Variants in ANKS1A observed in about 807,000 individuals in gnomAD.
The protein encoded by ANKS1A is ankyrin repeat and sterile alpha motif domain containing 1A.
In ANKS1A, 55 loss-of-function variants were observed where a neutral mutation model predicts 120.3. That is an observed-to-expected ratio of 0.46 (90% CI 0.37 to 0.57). ANKS1A has a LOEUF of 0.57. ANKS1A is among the 20% of genes least tolerant of loss of function. ANKS1A has a pLI of 0.00. For synonymous variants in ANKS1A, 590 were observed against 604.7 expected (o/e 0.98, Z 0.36); for missense variants, 1,123 against 1,480.3 (o/e 0.76, Z 3.96).
intron 10 of ANKS1A, among the ~76,000 whole-genome samples, chr6:35,008,165 A>G (rs1002955745): frequency 1.1e-4 from 17 of 152,206 alleles, no homozygotes; most frequent in South Asian, 1.0e-3. Flanking sequence ...AAACATATCA[A>G]TGAGACAGTT....
Position 35,037,311 on chromosome 6 carries a change from A to G in ANKS1A, c.2011-16788A>G, listed in dbSNP as rs370185932. 1.1e-4 allele frequency among the ~76,000 whole-genome samples: 16 copies of G among 152,326 alleles called. No individual in the cohort carries two copies. The South Asian group carries it at 3.1e-3, about 30-fold the overall frequency. ...ACAGATGTACATTCTTCAGACACTC[A>G]CAGAGATACACTCACTTACATTTGA... On this transcript the variant is annotated intron_variant, in intron 11 of 23. Coordinates refer to ENST00000360359, the MANE Select transcript of ANKS1A (RefSeq NM_015245.3).
chr6:35,046,618 T>C (rs1775731962), intron 11 of ANKS1A, among the ~76,000 whole-genome samples: 1 of 152,210 alleles, frequency 6.6e-6, no homozygotes, highest in Non-Finnish European at 1.5e-5. Context: ...CATCTATCCA[T>C]CTGTCTACCC....
At position 35,007,900 on chromosome 6, in the gene ANKS1A, C is replaced by T. The variant is rs114393256; in HGVS notation, c.1424-9573C>T. Among the ~76,000 whole-genome samples the T allele has an allele frequency of 2.0e-3, 308 of 152,340 alleles. 1 individual carries two copies. Among genetic ancestry groups the T allele is most frequent in the African/African-American group, 7.0e-3 (292 of 41,574 alleles). ...CGGTTTTTAGCTTCTACCTCTACTC[C>T]TACATCAGAGTACCAATTCCTTAGC... is the stretch of plus-strand genomic sequence containing the variant. On this transcript the variant is annotated intron_variant, in intron 10 of 23. Transcript: ENST00000360359.
rs116558661 is a variant in ANKS1A at position 35,080,038 on chromosome 6, G to C, written c.2544+110G>C. The C allele has an allele frequency of 5.1e-3, 6,370 of 1,250,622 alleles. 29 individuals are homozygous for C. The highest frequency in any genetic ancestry group is 0.018 in the Middle Eastern group (83 of 4,642). 77.5% of individuals were successfully genotyped at this position (1,250,622 alleles called of 1,614,324 possible). A position where few individuals can be genotyped will look rare whatever the true frequency, so the allele number is the denominator to read the frequency against. On this transcript the variant is annotated intron_variant, in intron 16 of 23. Transcript: ENST00000360359. ...GACCACTGTAGTGTAGGAGAAAGCA[G>C]CTCCAACAAGAAGAGAGGAGTACAG... is the stretch of plus-strand genomic sequence containing the variant.
In ANKS1A at chr6:35,086,128, G is replaced by A. The variant is rs930266684; in HGVS notation, c.3303+192G>A. The A allele has an allele frequency of 4.3e-5, 50 of 1,156,078 alleles. No individual in the cohort carries two copies. The East Asian group carries it at 1.0e-3, about 23-fold the overall frequency. The allele number at this position is 1,156,078 out of a possible 1,614,324, so 71.6% of individuals were successfully genotyped here. A position where few individuals can be genotyped will look rare whatever the true frequency, so the allele number is the denominator to read the frequency against. On this transcript the variant is annotated intron_variant, in intron 22 of 23. Coordinates refer to ENST00000360359, the MANE Select transcript of ANKS1A (RefSeq NM_015245.3). The surrounding 1 kb of genome is among the most constrained non-coding windows in gnomAD (Gnocchi z 5.1). Reference sequence around the variant, plus strand: ...AGGCAGCAGCTCCTCTGGCCTGGGCGGGCCTCTCATGCTCCTGTTTCCCTC... The same window carrying A: ...AGGCAGCAGCTCCTCTGGCCTGGGCAGGCCTCTCATGCTCCTGTTTCCCTC...
At chr6:34,928,200 T>C (rs149186273) in intron 1 of ANKS1A, among the ~76,000 whole-genome samples, 5 of 152,344 alleles carry the variant, frequency 3.3e-5, no homozygotes, top group African/African-American at 4.8e-5. Flanking sequence ...TGTCTTCCCA[T>C]CTCTGTATGC....
intron 3 of ANKS1A, among the ~76,000 whole-genome samples, chr6:34,975,336 C>T (rs1256619743): frequency 2.6e-5 from 4 of 151,980 alleles, no homozygotes; most frequent in Non-Finnish European, 5.9e-5. Context: ...TGCCTATAAT[C>T]CCAGCTACTC....
rs1281043416 is a variant in ANKS1A, at chr6:35,085,827, C to T, written c.3194C>T (p.Ala1065Val). The change falls in exon 22 of 24, where the codon GCC (alanine) becomes GTC (valine). Residue 1065 changes from alanine to valine, a missense_variant. Transcript: ENST00000360359. The surrounding 1 kb of genome is among the most constrained non-coding windows in gnomAD (Gnocchi z 4.7). ...GQAFEVAYQL[A>V]LQAQKSRATG... ...GCCTTCGAAGTGGCCTATCAGTTGGCCCTGCAGGCCCAGAAGTCCAGGGCG... is the reference window on the plus strand; with the variant it reads ...GCCTTCGAAGTGGCCTATCAGTTGGTCCTGCAGGCCCAGAAGTCCAGGGCG... 2 of 1,613,348 alleles carry T rather than the reference C, an allele frequency of 1.2e-6. No individual in the cohort carries two copies. The highest frequency in any genetic ancestry group is 1.7e-6 in the Non-Finnish European group (2 of 1,179,702).
chr6:34,996,290 T>G (rs1439164683), intron 10 of ANKS1A, among the ~76,000 whole-genome samples: 1 of 152,188 alleles, frequency 6.6e-6, no homozygotes, highest in Admixed American at 6.5e-5. Context: ...TTAGATTGTT[T>G]TCTTATTATT....
At chr6:34,986,734 A>T (rs1772224870) in intron 8 of ANKS1A, among the ~76,000 whole-genome samples, 2 of 152,234 alleles carry the variant, frequency 1.3e-5, no homozygotes, top group Non-Finnish European at 2.9e-5. Context: ...GTCTAGTGGT[A>T]GTCCACCAAA....
At chr6:34,978,407 G>C (rs1342495856) in intron 3 of ANKS1A, among the ~76,000 whole-genome samples, 1 of 152,214 alleles carries the variant, frequency 6.6e-6, no homozygotes, top group Non-Finnish European at 1.5e-5. Context: ...CCTGTAGTGA[G>C]ATTTGGAAGG....
At chr6:35,049,253 A>G (rs1056628827) in intron 11 of ANKS1A, among the ~76,000 whole-genome samples, 2 of 152,168 alleles carry the variant, frequency 1.3e-5, no homozygotes, top group African/African-American at 2.4e-5. Flanking sequence ...CAGAAGGGAG[A>G]GTGTTGGCTG....
intron 1 of ANKS1A, among the ~76,000 whole-genome samples, chr6:34,906,539 A>G (rs962858280): frequency 6.6e-6 from 1 of 152,242 alleles, no homozygotes; most frequent in South Asian, 2.1e-4. Flanking sequence ...TTCACTATCA[A>G]TGACTGAATA....
At chr6:35,094,211 T>C (rs143835408), downstream of ANKS1A, among the ~76,000 whole-genome samples, 314 of 152,350 alleles carry the variant, frequency 2.1e-3, 5 homozygotes, top group East Asian at 4.2e-3. Context: ...CAAGTTTCAA[T>C]AGAAAATCAC....
intron 18 of ANKS1A, 117 bp from the exon 19 acceptor site, chr6:35,083,038 G>C: frequency 7.4e-7 from 1 of 1,355,074 alleles, no homozygotes; most frequent in Non-Finnish European, 1.0e-6. Context: ...GGCAGGAGAG[G>C]GGGTGTTGTT....
At chr6:34,998,989 C>G (rs186801734) in intron 10 of ANKS1A, among the ~76,000 whole-genome samples, 40 of 152,332 alleles carry the variant, frequency 2.6e-4, no homozygotes, top group Non-Finnish European at 4.7e-4. Context: ...TAGGCACTTG[C>G]CCTGATGGGA....
At chr6:35,037,051 C>G (rs185799283) in intron 11 of ANKS1A, among the ~76,000 whole-genome samples, 2 of 152,330 alleles carry the variant, frequency 1.3e-5, no homozygotes, top group East Asian at 3.8e-4. Context: ...ACGCAAGAAC[C>G]AGGCATGGGA....
At chr6:34,911,141 T>A (rs1044875181) in intron 1 of ANKS1A, among the ~76,000 whole-genome samples, 15 of 152,308 alleles carry the variant, frequency 9.8e-5, no homozygotes, top group African/African-American at 3.4e-4. Flanking sequence ...AACTTTTGGT[T>A]TATCTTTTGT....
chr6:35,010,015 A>G (rs1773670911), intron 10 of ANKS1A: 2 of 210,134 alleles, frequency 9.5e-6, no homozygotes, highest in South Asian at 5.8e-5. Flanking sequence ...TCTTGTCTCT[A>G]CGAAAATAAA....
Sources: allele counts gnomAD v4.1 joint callset (sites outside exome capture counted in the v4.1 genomes callset), GRCh38; gene constraint gnomAD v4.1.1; non-coding constraint Gnocchi (gnomAD v3.1); transcripts MANE v1.5; gene names NCBI Gene and HGNC (gene_info 2026-07-23, HGNC 2026-07-21).